GPR55: variants seen among roughly 807,000 people sequenced by gnomAD.
The protein encoded by GPR55 is G-protein coupled receptor 55.
In GPR55, 6 loss-of-function variants were observed where a neutral mutation model predicts 7.9. That is an observed-to-expected ratio of 0.76 (90% CI 0.41 to 1.49). The LOEUF is 1.49. Among genes scored for constraint, GPR55 ranks in the 40% most tolerant of loss-of-function variants. GPR55 has a pLI of 0.01. For missense variants in GPR55, 376 were observed against 406.0 expected, an observed-to-expected ratio of 0.93 and a Z score of 0.63; for synonymous variants, 183 against 166.8, an observed-to-expected ratio of 1.10 and a Z score of -0.75.
At chr2:230,927,481 A>G (rs1395105724), upstream of GPR55, among the ~76,000 whole-genome samples, 2 of 151,534 alleles carry the variant, frequency 1.3e-5, no homozygotes, top group African/African-American at 4.8e-5. Context: ...TCCCCTTGCC[A>G]CAGGCCTGGG....
At position 230,923,392 on chromosome 2, in the gene GPR55, ATTTGAG is replaced by A. The variant is rs1559173139; in HGVS notation, c.-135+1770_-135+1775del. 1.3e-5 allele frequency among the ~76,000 whole-genome samples: 2 copies of A among 152,188 alleles called. No individual in the cohort carries two copies. The highest frequency in any genetic ancestry group is 2.9e-5 in the Non-Finnish European group (2 of 68,028). The stretch of plus-strand genomic sequence containing the variant: ...AGCATTGGCACAGCCGCAGGGATGG[ATTTGAG>A]GAGCCCTGGAATACTCCCCCAAAAA... On this transcript the variant is annotated intron_variant, in intron 1 of 1. Coordinates refer to ENST00000650999, the MANE Select transcript of GPR55 (RefSeq NM_005683.4). This position sits in a 1 kb window ranked among gnomAD's most constrained non-coding sequence, Gnocchi z 4.1.
At chr2:230,913,399 G>C (rs1690637778) in intron 1 of GPR55, among the ~76,000 whole-genome samples, 1 of 152,134 alleles carries the variant, frequency 6.6e-6, no homozygotes, top group Non-Finnish European at 1.5e-5. Context: ...GATATATATA[G>C]ATAGATGTTT....
intron 1 of GPR55, among the ~76,000 whole-genome samples, chr2:230,960,514 G>T (rs1385162330): frequency 6.6e-6 from 1 of 152,048 alleles, no homozygotes; most frequent in African/African-American, 2.4e-5. Context: ...AATACCTTGG[G>T]AAGGAGAAAA....
chr2:230,959,376 G>A (rs1029108457), intron 1 of GPR55, among the ~76,000 whole-genome samples: 5 of 152,036 alleles, frequency 3.3e-5, no homozygotes, highest in Non-Finnish European at 7.4e-5. Context: ...TGAGCCCAGG[G>A]AGGTCAAGGC....
intron 1 of GPR55, among the ~76,000 whole-genome samples, chr2:230,932,980 C>T (rs913760967): frequency 4.6e-5 from 7 of 152,192 alleles, no homozygotes; most frequent in Admixed American, 3.9e-4. Flanking sequence ...CTTCAGAGCC[C>T]CAGGATCGTG....
chr2:230,941,417 C>T (rs973012815), intron 1 of GPR55, among the ~76,000 whole-genome samples: 3 of 152,216 alleles, frequency 2.0e-5, no homozygotes, highest in East Asian at 3.8e-4. Context: ...GGGGGCCTGC[C>T]CCCGCTCCCA....
intron 1 of GPR55, among the ~76,000 whole-genome samples, chr2:230,938,024 G>C (rs979806801): frequency 2.6e-5 from 4 of 151,744 alleles, no homozygotes; most frequent in Non-Finnish European, 5.9e-5. Flanking sequence ...GCTGGGCATG[G>C]TGGTGTGCAC....
chr2:230,940,461 G>A (rs113147687), intron 1 of GPR55, among the ~76,000 whole-genome samples: 3,724 of 152,296 alleles, frequency 0.024, 140 homozygotes, highest in African/African-American at 0.085. Flanking sequence ...GCATGAACTC[G>A]TCCTGCAGGA....
intron 1 of GPR55, among the ~76,000 whole-genome samples, chr2:230,933,353 C>T (rs1281476869): frequency 6.6e-6 from 1 of 152,232 alleles, no homozygotes; most frequent in South Asian, 2.1e-4. Flanking sequence ...ACCTGCCCTC[C>T]GTTGGCCCTT....
chr2:230,912,302 C>T (rs560896704), intron 1 of GPR55, among the ~76,000 whole-genome samples: 1 of 152,232 alleles, frequency 6.6e-6, no homozygotes, highest in Non-Finnish European at 1.5e-5. Flanking sequence ...GCCTCTCCCA[C>T]CTCCCATGAC....
intron 1 of GPR55, among the ~76,000 whole-genome samples, chr2:230,932,867 G>GCT (rs144563608): frequency 0.047 from 7,071 of 150,298 alleles, 222 homozygotes; most frequent in East Asian, 0.13. Flanking sequence ...CAGGACTGCT[G>GCT]CTCTCTCTCT....
chr2:230,941,544 G>A (rs1226843160), intron 1 of GPR55, among the ~76,000 whole-genome samples: 3 of 152,042 alleles, frequency 2.0e-5, no homozygotes. Flanking sequence ...TCCCTCCCTG[G>A]GACCACCACC....
chr2:230,919,444 A>G (rs1250566340), intron 1 of GPR55, among the ~76,000 whole-genome samples: 2 of 152,192 alleles, frequency 1.3e-5, no homozygotes, highest in Non-Finnish European at 2.9e-5. Context: ...ATCAAGAACA[A>G]CAATAGAAGA....
intron 1 of GPR55, among the ~76,000 whole-genome samples, chr2:230,919,985 G>GAA (rs200407134): frequency 1.1e-4 from 15 of 142,808 alleles, no homozygotes; most frequent in African/African-American, 1.5e-4. Flanking sequence ...GCATAGAGGG[G>GAA]AAAAAAAAAA....
chr2:230,951,580 C>T (rs926477003), intron 1 of GPR55, among the ~76,000 whole-genome samples: 6 of 152,062 alleles, frequency 3.9e-5, no homozygotes, highest in Non-Finnish European at 8.8e-5. Flanking sequence ...ATACCAGGGG[C>T]CTTAAAAATA....
intron 1 of GPR55, among the ~76,000 whole-genome samples, chr2:230,914,863 G>T (rs570572996): frequency 6.6e-6 from 1 of 152,368 alleles, no homozygotes; most frequent in South Asian, 2.1e-4. Context: ...AGATTAAACA[G>T]GGGAAGTTCC....
intron 1 of GPR55, among the ~76,000 whole-genome samples, chr2:230,958,766 G>A (rs1452693096): frequency 6.6e-6 from 1 of 152,180 alleles, no homozygotes; most frequent in African/African-American, 2.4e-5. Context: ...TGGTAGTTTG[G>A]TAATGTGTAA....
chr2:230,937,162 G>T (rs974205819), intron 1 of GPR55, among the ~76,000 whole-genome samples: 2 of 151,934 alleles, frequency 1.3e-5, no homozygotes, highest in African/African-American at 4.8e-5. Context: ...AACGTTTTGG[G>T]AGGCTGAGGT....
intron 1 of GPR55, among the ~76,000 whole-genome samples, chr2:230,947,271 G>C (rs1691332914): frequency 6.6e-6 from 1 of 152,166 alleles, no homozygotes; most frequent in Non-Finnish European, 1.5e-5. Context: ...GGTTAGGTGT[G>C]CTGCAGCAGC....
Sources: allele counts gnomAD v4.1 joint callset (sites outside exome capture counted in the v4.1 genomes callset), GRCh38; gene constraint gnomAD v4.1.1; non-coding constraint Gnocchi (gnomAD v3.1); transcripts MANE v1.5; gene names NCBI Gene and HGNC (gene_info 2026-07-23, HGNC 2026-07-21).